The following SSR1 variants were observed in gnomAD, a reference collection of about 807,000 sequenced individuals.
The protein encoded by SSR1 is signal sequence receptor subunit 1, also known as translocon-associated protein subunit alpha.
SSR1 carries 13 observed loss-of-function variants against 36.1 expected under a neutral mutation model. That is an observed-to-expected ratio of 0.36 (90% CI 0.23 to 0.57). The LOEUF is 0.57. Among genes scored for constraint, SSR1 ranks in the 20% least tolerant of loss-of-function variants. SSR1 has a pLI of 0.81. For synonymous variants in SSR1, 113 were observed against 118.9 expected (o/e 0.95, Z 0.32); for missense variants, 291 against 338.5 (o/e 0.86, Z 1.10).
At chr6:7,293,778 A>G (rs1757733856) in intron 7 of SSR1, among the ~76,000 whole-genome samples, 2 of 152,184 alleles carry the variant, frequency 1.3e-5, no homozygotes, top group African/African-American at 4.8e-5. Context: ...CCGAGGGTCA[A>G]TTATATTGAA....
rs369704210 is a variant in SSR1, at chr6:7,285,692, AAAAG to A, written c.*4168_*4171del. The A allele has an allele frequency of 4.6e-5, 7 of 152,276 alleles. No individual in the cohort carries two copies. Among genetic ancestry groups the A allele is most frequent in the South Asian group, 4.1e-4 (2 of 4,826 alleles). 9.4% of individuals were successfully genotyped at this position (152,276 alleles called of 1,614,324 possible). On this transcript the variant is annotated 3_prime_UTR_variant, in exon 8 of 8. Coordinates refer to ENST00000244763, the MANE Select transcript of SSR1 (RefSeq NM_003144.5). The surrounding 1 kb of genome is among the most constrained non-coding windows in gnomAD (Gnocchi z 4.1). The stretch of plus-strand genomic sequence containing the variant: ...AGACCCCATGTCAAAAAAAAAAAGA[AAAAG>A]AAAAAGAAAAAAGATAAAAGCAGCT...
rs769583997 is a variant in SSR1, at chr6:7,301,578, A to T, written c.281-6T>A. On this transcript the variant is annotated splice_polypyrimidine_tract_variant and splice_region_variant and intron_variant, in intron 3 of 7. Coordinates refer to ENST00000244763, the MANE Select transcript of SSR1 (RefSeq NM_003144.5). ...AATGTTATTTGCTGGAAAATCTGAG[A>T]AACAAAATAGAGACAAAAAAATTAG... 1.2e-6 allele frequency: 2 copies of T among 1,600,262 alleles called. No individual in the cohort carries two copies. The highest frequency in any genetic ancestry group is 1.7e-6 in the Non-Finnish European group (2 of 1,176,412).
chr6:7,303,348 G>A (rs1001793314), intron 3 of SSR1, among the ~76,000 whole-genome samples: 2 of 151,996 alleles, frequency 1.3e-5, no homozygotes, highest in Non-Finnish European at 2.9e-5. Flanking sequence ...CTTTGAAAAG[G>A]ACAGTCAATT....
rs1201182970 is a variant in SSR1, at chr6:7,285,807, T to C, written c.*4057A>G. On this transcript the variant is annotated 3_prime_UTR_variant, in exon 8 of 8. Transcript: ENST00000244763. The surrounding 1 kb of genome is among the most constrained non-coding windows in gnomAD (Gnocchi z 4.1). ...CTCTTACCTTTAACGTGAAGATTTA[T>C]CTTTCAATCCTTTAGAGCTTGAAAA... 6 of 152,238 alleles carry C rather than the reference T, an allele frequency of 3.9e-5. No homozygotes were observed. Among genetic ancestry groups the C allele is most frequent in the African/African-American group, 1.4e-4 (6 of 41,476 alleles). The allele number at this position is 152,238 out of a possible 1,614,324, so 9.4% of individuals were successfully genotyped here.
Position 7,294,912 on chromosome 6 carries a change from A to G in SSR1, c.793+480T>C, listed in dbSNP as rs1029183306. On this transcript the variant is annotated intron_variant, in intron 7 of 7. Coordinates refer to ENST00000244763, the MANE Select transcript of SSR1 (RefSeq NM_003144.5). ...AAAACTGAAATGTATCTGTAAAATA[A>G]ATTGTCGGGTAATATTTTAGGTTTA... 5 of 482,634 alleles carry G rather than the reference A, an allele frequency of 1.0e-5. No homozygotes were observed. The Admixed American group carries it at 2.0e-4, about 20-fold the overall frequency. The allele number at this position is 482,634 out of a possible 1,614,324, so 29.9% of individuals were successfully genotyped here.
intron 7 of SSR1, among the ~76,000 whole-genome samples, chr6:7,293,818 A>G (rs1300779016): frequency 6.6e-6 from 1 of 152,238 alleles, no homozygotes; most frequent in African/African-American, 2.4e-5. Context: ...AAACCCAAGC[A>G]GTTCAAACCT....
intron 6 of SSR1, among the ~76,000 whole-genome samples, chr6:7,297,449 G>C (rs1757825769): frequency 1.3e-5 from 2 of 152,050 alleles, no homozygotes; most frequent in Admixed American, 1.3e-4. Flanking sequence ...AATGAGGCCA[G>C]GTGCAGTGGC....
chr6:7,300,667 G>A (rs1757912634), intron 4 of SSR1, among the ~76,000 whole-genome samples: 1 of 152,044 alleles, frequency 6.6e-6, no homozygotes. Context: ...TTTTGAGATG[G>A]AGTCTCACTC....
chr6:7,306,376 C>T (rs1012667925), intron 2 of SSR1, among the ~76,000 whole-genome samples: 51 of 152,014 alleles, frequency 3.4e-4, no homozygotes, highest in African/African-American at 1.2e-3. Flanking sequence ...ATCTCCTGAC[C>T]TCGTGATCCA....
intron 1 of SSR1, 77 bp from the exon 2 acceptor site, chr6:7,310,106 CA>C: frequency 2.6e-5 from 29 of 1,103,536 alleles, no homozygotes; most frequent in Non-Finnish European, 2.9e-5. Context: ...CAGGTATAGG[CA>C]AAAAAAACTT....
chr6:7,288,814 C>A lies in SSR1; in HGVS notation c.*1050G>T, dbSNP rs1757614079. ...AGCACTTAAGAACAATTTTTGGAATCTTTCAGGTTAACTAAAAAGGTTATA... is the reference window on the plus strand; with the variant it reads ...AGCACTTAAGAACAATTTTTGGAATATTTCAGGTTAACTAAAAAGGTTATA... On this transcript the variant is annotated 3_prime_UTR_variant, in exon 8 of 8. Transcript: ENST00000244763. 6.6e-6 allele frequency: 1 copy of A among 152,336 alleles called. No homozygotes were observed. The highest frequency in any genetic ancestry group is 2.1e-4 in the South Asian group (1 of 4,830). The allele number at this position is 152,336 out of a possible 1,614,324, so 9.4% of individuals were successfully genotyped here. A position where few individuals can be genotyped will look rare whatever the true frequency, so the allele number is the denominator to read the frequency against.
At chr6:7,298,043 G>A in intron 5 of SSR1, 42 bp from the exon 6 acceptor site, 2 of 1,443,300 alleles carry the variant, frequency 1.4e-6, no homozygotes, top group South Asian at 1.2e-5. Flanking sequence ...TTAATTCAGA[G>A]GAAATACCAC....
At position 7,288,364 on chromosome 6, in the gene SSR1, T is replaced by C. The variant is rs1430142077; in HGVS notation, c.*1500A>G. 6.6e-6 allele frequency: 1 copy of C among 152,214 alleles called. No individual in the cohort carries two copies. The highest frequency in any genetic ancestry group is 1.9e-4 in the East Asian group (1 of 5,188). The allele number at this position is 152,214 out of a possible 1,614,324, so 9.4% of individuals were successfully genotyped here. A position where few individuals can be genotyped will look rare whatever the true frequency, so the allele number is the denominator to read the frequency against. ...AGATATAGAGTTTATAATCCAGCAA[T>C]GCCAATATAGGTAATTTGATAGCCC... On this transcript the variant is annotated 3_prime_UTR_variant, in exon 8 of 8. Coordinates refer to ENST00000244763, the MANE Select transcript of SSR1 (RefSeq NM_003144.5).
In SSR1 at chr6:7,281,685, CA is replaced by C. The variant is rs1375547026; in HGVS notation, c.*8178del. 3 of 152,270 alleles carry C rather than the reference CA, an allele frequency of 2.0e-5. No homozygotes were observed. The East Asian group carries it at 5.8e-4, about 29-fold the overall frequency. The allele number at this position is 152,270 out of a possible 1,614,324, so 9.4% of individuals were successfully genotyped here. On this transcript the variant is annotated 3_prime_UTR_variant, in exon 8 of 8. Transcript: ENST00000244763. ...AAGTCACTTATTAAATACCTGTGTA[CA>C]AAACACCATACTTGGGGCTATATGC...
At chr6:7,300,848 G>A (rs1030215175) in intron 4 of SSR1, among the ~76,000 whole-genome samples, 20 of 152,226 alleles carry the variant, frequency 1.3e-4, no homozygotes, top group African/African-American at 4.6e-4. Context: ...TCACCAGGTT[G>A]GCCAGGCTGG....
At chr6:7,301,921 G>A (rs1757943963) in intron 3 of SSR1, among the ~76,000 whole-genome samples, 1 of 152,160 alleles carries the variant, frequency 6.6e-6, no homozygotes, top group African/African-American at 2.4e-5. Context: ...TTCACCTCCA[G>A]CTTAGTGTTA....
rs1181477956 is a variant in SSR1, at chr6:7,288,817, T to C, written c.*1047A>G. On this transcript the variant is annotated 3_prime_UTR_variant, in exon 8 of 8. Transcript: ENST00000244763. ...ACTTAAGAACAATTTTTGGAATCTTTCAGGTTAACTAAAAAGGTTATATCA... is the reference window on the plus strand; with the variant it reads ...ACTTAAGAACAATTTTTGGAATCTTCCAGGTTAACTAAAAAGGTTATATCA... 6.6e-6 allele frequency: 1 copy of C among 152,360 alleles called. No homozygotes were observed. The allele number at this position is 152,360 out of a possible 1,614,324, so 9.4% of individuals were successfully genotyped here.
rs1757985813 is a variant in SSR1, at chr6:7,303,584, A to G, written c.246T>C (p.Ser82=). 1 of 1,613,344 alleles carries G rather than the reference A, an allele frequency of 6.2e-7. No individual in the cohort carries two copies. The highest frequency in any genetic ancestry group is 1.3e-5 in the African/African-American group (1 of 74,880). ...TTACAAACAGTATAGTTGTATCTGC[A>G]CTCGGTGAAGCTTCAGGTTCACCAG... ...DVSGEPEASP[S]ADTTILFVKG... Residue 82 remains serine (S), a synonymous_variant, in exon 3 of 8, where the codon AGT becomes AGC. Coordinates refer to ENST00000244763, the MANE Select transcript of SSR1 (RefSeq NM_003144.5).
At position 7,284,001 on chromosome 6, in the gene SSR1, G is replaced by T. The variant is rs1757490366; in HGVS notation, c.*5863C>A. 6.6e-6 allele frequency: 1 copy of T among 152,204 alleles called. No individual in the cohort carries two copies. The highest frequency in any genetic ancestry group is 6.5e-5 in the Admixed American group (1 of 15,278). 9.4% of individuals were successfully genotyped at this position (152,204 alleles called of 1,614,324 possible). A position where few individuals can be genotyped will look rare whatever the true frequency, so the allele number is the denominator to read the frequency against. On this transcript the variant is annotated 3_prime_UTR_variant, in exon 8 of 8. Coordinates refer to ENST00000244763, the MANE Select transcript of SSR1 (RefSeq NM_003144.5). ...GTGTGGAAGGGCAGAGCAGATGCTT[G>T]ATGTTCTCCATCTGAACACTACTCT...
Sources: allele counts gnomAD v4.1 joint callset (sites outside exome capture counted in the v4.1 genomes callset), GRCh38; gene constraint gnomAD v4.1.1; non-coding constraint Gnocchi (gnomAD v3.1); transcripts MANE v1.5; gene names NCBI Gene and HGNC (gene_info 2026-07-23, HGNC 2026-07-21).